Variants in MKLN1 observed in about 807,000 individuals in gnomAD.
MKLN1 encodes the protein muskelin.
In MKLN1, 18 loss-of-function variants were observed where a neutral mutation model predicts 99.0. That is an observed-to-expected ratio of 0.18 (90% confidence interval 0.13 to 0.27). The LOEUF (loss-of-function observed/expected upper bound fraction) is 0.27, where lower values mean the gene tolerates loss of function less well. MKLN1 is among the 10% of genes least tolerant of loss of function. MKLN1 has a pLI of 1.00. For synonymous variants in MKLN1, 288 were observed against 293.2 expected (o/e 0.98, Z 0.18); for missense variants, 621 against 875.9 (o/e 0.71, Z 3.67).
At chr7:131,126,495 A>C (rs1459150778) in intron 1 of MKLN1, among the ~76,000 whole-genome samples, 1 of 152,126 alleles carries the variant, frequency 6.6e-6, no homozygotes, top group Non-Finnish European at 1.5e-5. Flanking sequence ...TACATTTAAC[A>C]CGGCGGTGTT....
upstream of MKLN1, chr7:131,326,911 A>C (rs374473305): frequency 1.3e-5 from 2 of 152,264 alleles, no homozygotes; most frequent in Admixed American, 6.5e-5. Context: ...ACAATAAGCG[A>C]CATACTCTTT....
chr7:131,467,037 G>A (rs1349266477), intron 15 of MKLN1, among the ~76,000 whole-genome samples: 1 of 152,144 alleles, frequency 6.6e-6, no homozygotes, highest in Admixed American at 6.5e-5. Context: ...TTTGGTTACT[G>A]TAGTGTTATA....
intron 2 of MKLN1, among the ~76,000 whole-genome samples, chr7:131,386,582 C>G (rs2116881045): frequency 6.6e-6 from 1 of 152,144 alleles, no homozygotes; most frequent in Middle Eastern, 3.4e-3. Flanking sequence ...TTTAATTGAT[C>G]CCGTTTTATC....
At position 131,488,077 on chromosome 7, in the gene MKLN1, G is replaced by A. The variant is rs1404585678; in HGVS notation, c.*349G>A. 1 of 150,466 alleles carries A rather than the reference G, an allele frequency of 6.6e-6. No individual in the cohort carries two copies. The highest frequency in any genetic ancestry group is 2.4e-5 in the African/African-American group (1 of 40,840). The allele number at this position is 150,466 out of a possible 1,614,324, so 9.3% of individuals were successfully genotyped here. On this transcript the variant is annotated 3_prime_UTR_variant, in exon 18 of 18. Coordinates refer to ENST00000352689, the MANE Select transcript of MKLN1 (RefSeq NM_013255.5). ...TTTTTATTTCTTTTTTTTTTAATTG[G>A]GGGAAATAAGCACTATTAACAGATT...
At chr7:131,303,944 A>T (rs1467902674) in intron 3 of MKLN1, among the ~76,000 whole-genome samples, 6 of 152,170 alleles carry the variant, frequency 3.9e-5, no homozygotes, top group Non-Finnish European at 8.8e-5. Context: ...CCTTTTATTT[A>T]TTTAAACATA....
chr7:131,165,313 G>A (rs906243111), intron 2 of MKLN1, among the ~76,000 whole-genome samples: 2 of 152,150 alleles, frequency 1.3e-5, no homozygotes, highest in Admixed American at 6.5e-5. Flanking sequence ...AGCCTCCTGA[G>A]TAGCTGGGAT....
At chr7:131,261,066 T>G (rs1428998238) in intron 3 of MKLN1, among the ~76,000 whole-genome samples, 1 of 152,212 alleles carries the variant, frequency 6.6e-6, no homozygotes, top group Non-Finnish European at 1.5e-5. Flanking sequence ...GGAAATACCA[T>G]TTTGGACATA....
intron 17 of MKLN1, 82 bp downstream of exon 17, chr7:131,478,759 C>T: frequency 1.4e-6 from 2 of 1,456,132 alleles, no homozygotes; most frequent in Non-Finnish European, 1.9e-6. Context: ...CGTGAAACAT[C>T]AGGTGAGATG....
chr7:131,158,461 T>C (rs1304685124), intron 2 of MKLN1, among the ~76,000 whole-genome samples: 2 of 151,594 alleles, frequency 1.3e-5, no homozygotes, highest in African/African-American at 4.9e-5. Flanking sequence ...AACAAACTTC[T>C]TATTAACCTG....
In MKLN1 at chr7:131,218,137, G is replaced by A. The variant is rs367551664; in HGVS notation, c.-179+15163G>A. 2.6e-5 allele frequency among the ~76,000 whole-genome samples: 4 copies of A among 152,158 alleles called. No individual in the cohort carries two copies. The East Asian group carries it at 5.8e-4, about 22-fold the overall frequency. On this transcript the variant is annotated intron_variant, in intron 3 of 7. Coordinates refer to the MKLN1 transcript ENST00000416992. ...GTCAGTTCTCGGGTGCAGGTTATGGGTCTGAGTGGTGCCAGTTGGTTCATA... is the reference window on the plus strand; with the variant it reads ...GTCAGTTCTCGGGTGCAGGTTATGGATCTGAGTGGTGCCAGTTGGTTCATA...
At chr7:131,131,193 T>TTAAATAAA (rs56293710) in intron 1 of MKLN1, among the ~76,000 whole-genome samples, 78,982 of 135,660 alleles carry the variant, frequency 0.58, 24,063 homozygotes, top group Non-Finnish European at 0.66. Flanking sequence ...TCACCTCTAC[T>TTAAATAAA]TAAATAAATA....
chr7:131,363,772 C>G (rs929271135), intron 1 of MKLN1, among the ~76,000 whole-genome samples: 1 of 149,328 alleles, frequency 6.7e-6, no homozygotes, highest in African/African-American at 2.5e-5. Context: ...AAAAAAAAAA[C>G]TGTCCTGCCG....
At chr7:131,396,261 CAG>C in intron 4 of MKLN1, among the ~76,000 whole-genome samples, 1 of 152,048 alleles carries the variant, frequency 6.6e-6, no homozygotes, top group South Asian at 2.1e-4. Flanking sequence ...TTAGTGGAGA[CAG>C]AGTTTCACTG....
chr7:131,327,653 C>T (rs180875490), upstream of MKLN1: 176 of 529,010 alleles, frequency 3.3e-4, no homozygotes, highest in Middle Eastern at 1.0e-3. Flanking sequence ...CATTCCCCTC[C>T]AAGCCCCAGG....
intron 2 of MKLN1, among the ~76,000 whole-genome samples, chr7:131,186,733 T>C (rs1157071973): frequency 6.6e-6 from 1 of 152,192 alleles, no homozygotes; most frequent in Non-Finnish European, 1.5e-5. Context: ...ATAACTTCAA[T>C]GAAATGACAG....
In MKLN1 at chr7:131,488,700, G is replaced by T. The variant is rs183913713; in HGVS notation, c.*972G>T. 1 of 152,310 alleles carries T rather than the reference G, an allele frequency of 6.6e-6. No individual in the cohort carries two copies. Among genetic ancestry groups the T allele is most frequent in the African/African-American group, 2.4e-5 (1 of 41,388 alleles). The allele number at this position is 152,310 out of a possible 1,614,324, so 9.4% of individuals were successfully genotyped here. On this transcript the variant is annotated 3_prime_UTR_variant, in exon 18 of 18. Coordinates refer to ENST00000352689, the MANE Select transcript of MKLN1 (RefSeq NM_013255.5). ...GAGGAGGCTGAGTTTCCAGAGCTTT[G>T]CTTTCATTTATTTTTATACACATTG...
At chr7:131,343,316 A>G in intron 1 of MKLN1, among the ~76,000 whole-genome samples, 1 of 151,974 alleles carries the variant, frequency 6.6e-6, no homozygotes, top group East Asian at 1.9e-4. Context: ...TATACAAGAC[A>G]CTTAATGGGC....
At chr7:131,357,861 C>G (rs532777447) in intron 1 of MKLN1, among the ~76,000 whole-genome samples, 1 of 152,216 alleles carries the variant, frequency 6.6e-6, no homozygotes, top group Admixed American at 6.5e-5. Flanking sequence ...AAAACAAAAT[C>G]TGGGTGCTAG....
At chr7:131,215,067 G>C (rs1796959445) in intron 3 of MKLN1, among the ~76,000 whole-genome samples, 1 of 152,200 alleles carries the variant, frequency 6.6e-6, no homozygotes, top group South Asian at 2.1e-4. Context: ...CAGCATACAA[G>C]ACAGAGTTTC....
Sources: allele counts gnomAD v4.1 joint callset (sites outside exome capture counted in the v4.1 genomes callset), GRCh38; gene constraint gnomAD v4.1.1; transcripts MANE v1.5; gene names NCBI Gene and HGNC (gene_info 2026-07-23, HGNC 2026-07-21).